Variants in MYH11 observed in about 807,000 individuals in gnomAD.
MYH11 encodes myosin heavy chain 11, also known as myosin-11.
MYH11 carries 80 observed loss-of-function variants against 246.6 expected under a neutral mutation model. The observed-to-expected ratio is 0.32, with a 90% CI of 0.27 to 0.39. The LOEUF is 0.39. Among genes scored for constraint, MYH11 ranks in the 10% least tolerant of loss-of-function variants. The probability of loss-of-function intolerance (pLI) is 1.00; values close to 1 mark genes in which losing one functional copy is unlikely to be tolerated. For missense variants in MYH11, 2,158 were observed against 2,546.8 expected, an observed-to-expected ratio of 0.85 and a Z score of 3.29; for synonymous variants, 1,071 against 1,015.5, an observed-to-expected ratio of 1.05 and a Z score of -1.04.
At chr16:15,735,903 A>C (rs1310592940) in intron 25 of MYH11, among the ~76,000 whole-genome samples, 1 of 152,190 alleles carries the variant, frequency 6.6e-6, no homozygotes, top group Non-Finnish European at 1.5e-5. Context: ...GACTGTGTAG[A>C]TGCTTTCTGA....
chr16:15,760,875 C>A (rs1182238454), intron 10 of MYH11, among the ~76,000 whole-genome samples: 1 of 152,152 alleles, frequency 6.6e-6, no homozygotes, highest in Non-Finnish European at 1.5e-5. Context: ...TTGGGGTGGG[C>A]TGAAGCAGGC....
intron 15 of MYH11, among the ~76,000 whole-genome samples, chr16:15,751,993 C>A (rs1342220518): frequency 6.6e-6 from 1 of 151,646 alleles, no homozygotes; most frequent in African/African-American, 2.4e-5. Flanking sequence ...GGTTTCGCCA[C>A]GTTGGCCAGA....
chr16:15,705,984 CAAAAA>C (rs57451847), intron 40 of MYH11, among the ~76,000 whole-genome samples: 15 of 56,764 alleles, frequency 2.6e-4, no homozygotes, highest in South Asian at 2.5e-3. Context: ...GACTCCGTCT[CAAAAA>C]AAAAAAAAAA....
intron 6 of MYH11, among the ~76,000 whole-genome samples, 170 bp downstream of exon 6, chr16:15,782,215 A>C (rs1284617259): frequency 6.6e-6 from 1 of 152,106 alleles, no homozygotes; most frequent in Non-Finnish European, 1.5e-5. Flanking sequence ...TGAATAAATT[A>C]ATGAATGAAT....
intron 3 of MYH11, among the ~76,000 whole-genome samples, chr16:15,806,273 C>T (rs1357601794): frequency 3.1e-5 from 3 of 95,492 alleles, no homozygotes; most frequent in Admixed American, 1.6e-4. Flanking sequence ...GTGAGACACT[C>T]TGTCTCAAAA....
rs145101141 is a variant in MYH11 at position 15,718,423 on chromosome 16, G to A, written c.5187C>T (p.Asp1729=). ...SSLSGRNALQ[D]EKRRLEARIA... ...TCCGGGCCTCCAGGCGGCGCTTCTCGTCCTGGAGTGCGTTCCTGGGGGAAG... is the reference window on the plus strand; with the variant it reads ...TCCGGGCCTCCAGGCGGCGCTTCTCATCCTGGAGTGCGTTCCTGGGGGAAG... The change falls in exon 37 of 41, where the codon GAC becomes GAT. Residue 1729 remains aspartate, a synonymous_variant. Transcript: ENST00000300036. 40 of 1,574,530 alleles carry A rather than the reference G, an allele frequency of 2.5e-5. No individual in the cohort carries two copies. The highest frequency in any genetic ancestry group is 3.2e-5 in the Non-Finnish European group (37 of 1,161,670).
At chr16:15,834,994 T>C (rs1301591765) in intron 2 of MYH11, among the ~76,000 whole-genome samples, 1 of 146,146 alleles carries the variant, frequency 6.8e-6, no homozygotes, top group Non-Finnish European at 1.5e-5. Flanking sequence ...GGTGAGAGGA[T>C]CGTTTGAATC....
intron 4 of MYH11, among the ~76,000 whole-genome samples, chr16:15,790,202 A>T (rs1319243936): frequency 1.3e-5 from 2 of 152,060 alleles, no homozygotes; most frequent in Non-Finnish European, 1.5e-5. Flanking sequence ...CTACTTGGGG[A>T]GCTGAGGCAG....
chr16:15,793,966 CAG>C lies in MYH11; in HGVS notation c.530+4692_530+4693del, dbSNP rs1476261416. Among the ~76,000 whole-genome samples the C allele has an allele frequency of 9.9e-5, 11 of 110,794 alleles. No individual in the cohort carries two copies. The South Asian group carries it at 2.9e-3, about 29-fold the overall frequency. 72.7% of individuals were successfully genotyped at this position (110,794 alleles called of 152,430 possible). A position where few individuals can be genotyped will look rare whatever the true frequency, so the allele number is the denominator to read the frequency against. ...TTTTCTTTTTTTTTTTTTTTTGAGA[CAG>C]AGTCTCGCTCTGTCACCCAGGCTGG... On this transcript the variant is annotated intron_variant, in intron 4 of 40. Transcript: ENST00000300036.
intron 2 of MYH11, among the ~76,000 whole-genome samples, chr16:15,826,101 G>A (rs1220049774): frequency 6.6e-6 from 1 of 152,122 alleles, no homozygotes; most frequent in Non-Finnish European, 1.5e-5. Flanking sequence ...ATGCTATCCA[G>A]CCTAGGCCCA....
Position 15,800,345 on chromosome 16 carries a change from C to T in MYH11, c.503-1658G>A, listed in dbSNP as rs145663547. Among the ~76,000 whole-genome samples the T allele has an allele frequency of 2.6e-3, 370 of 144,156 alleles. 19 individuals carry two copies. The South Asian group carries it at 0.079, about 31-fold the overall frequency. The allele number at this position is 144,156 out of a possible 152,430, so 94.6% of individuals were successfully genotyped here. On this transcript the variant is annotated intron_variant, in intron 3 of 40. Coordinates refer to ENST00000300036, the MANE Select transcript of MYH11 (RefSeq NM_002474.3). ...ATGGATAGATGGACAGGTAGAGAGACAGGAAGACAAATGGATGAGTGGGTG... is the reference window on the plus strand; with the variant it reads ...ATGGATAGATGGACAGGTAGAGAGATAGGAAGACAAATGGATGAGTGGGTG...
At chr16:15,742,803 C>A (rs1280438131) in intron 20 of MYH11, among the ~76,000 whole-genome samples, 1 of 151,190 alleles carries the variant, frequency 6.6e-6, no homozygotes, top group Non-Finnish European at 1.5e-5. Flanking sequence ...TACAACTTTA[C>A]ATAGCCATCT....
intron 5 of MYH11, chr16:15,785,007 G>GTTT: frequency 3.0e-5 from 2 of 67,334 alleles, no homozygotes; most frequent in Non-Finnish European, 4.9e-5. Context: ...TAATTCTCTT[G>GTTT]ATTTTTTTTT....
At chr16:15,715,334 G>T in intron 38 of MYH11, 62 bp from the exon 39 acceptor site, 3 of 1,537,592 alleles carry the variant, frequency 2.0e-6, no homozygotes, top group Non-Finnish European at 1.8e-6. Flanking sequence ...TAGCTGGTGT[G>T]TCACCTGGAG....
At chr16:15,830,778 T>G (rs1286078840) in intron 2 of MYH11, among the ~76,000 whole-genome samples, 1 of 151,884 alleles carries the variant, frequency 6.6e-6, no homozygotes, top group African/African-American at 2.4e-5. Flanking sequence ...CTCAGGAGGC[T>G]GGGGCGGGAT....
Position 15,784,718 on chromosome 16 carries a change from G to C in MYH11, c.633+1912C>G, listed in dbSNP as rs1369468374. ...CTCACGTAGGCAAAAGATGGGCCTT[G>C]CTGTGGTTGAACAACACAGTATAAA... On this transcript the variant is annotated intron_variant, in intron 5 of 40. Transcript: ENST00000300036. 1 of 1,613,926 alleles carries C rather than the reference G, an allele frequency of 6.2e-7. No individual in the cohort carries two copies.
chr16:15,748,298 C>T, intron 16 of MYH11, 130 bp from the exon 17 acceptor site: 1 of 1,488,046 alleles, frequency 6.7e-7, no homozygotes, highest in East Asian at 2.4e-5. Context: ...CCAAGGAGGG[C>T]TTAGCTGAGG....
chr16:15,835,916 G>A (rs1247087449), intron 2 of MYH11, among the ~76,000 whole-genome samples: 1 of 151,812 alleles, frequency 6.6e-6, no homozygotes, highest in Admixed American at 6.6e-5. Flanking sequence ...CACTGCACCT[G>A]GCTAATTTAT....
intron 8 of MYH11, among the ~76,000 whole-genome samples, chr16:15,774,357 G>T (rs933980802): frequency 6.6e-6 from 1 of 152,214 alleles, no homozygotes; most frequent in Non-Finnish European, 1.5e-5. Flanking sequence ...GAAGACCAGA[G>T]GCAAAGCACA....
Sources: gnomAD v4.1 joint callset for allele counts (sites outside exome capture counted in the v4.1 genomes callset) on GRCh38, gnomAD v4.1.1 for gene constraint, MANE v1.5 for transcripts, NCBI Gene and HGNC (gene_info 2026-07-23, HGNC 2026-07-21) for gene names.